Variants in SMCO2 observed in about 807,000 individuals in gnomAD.
SMCO2 encodes single-pass membrane protein with coiled-coil domains 2.
A neutral mutation model predicts 29.5 loss-of-function variants in SMCO2; 25 were observed. The observed-to-expected ratio is 0.85, with a 90% CI of 0.62 to 1.18. The LOEUF is 1.18. Among genes scored for constraint, SMCO2 ranks in the 50% most tolerant of loss-of-function variants. The pLI is 0.00. For synonymous variants in SMCO2, 117 were observed against 123.3 expected (o/e 0.95, Z 0.34); for missense variants, 348 against 344.5 (o/e 1.01, Z -0.08).
At chr12:27,423,880 C>G in the SMCO2 span, 1 of 152,160 alleles carries the variant, frequency 6.6e-6, no homozygotes. Context: ...ACTGTGCTGT[C>G]CAGTGCAGTA....
chr12:27,484,851 CAAAAA>C lies in SMCO2; in HGVS notation c.363-3592_363-3588del, dbSNP rs35818629. On this transcript the variant is annotated intron_variant, in intron 4 of 7. Coordinates refer to ENST00000298876, the Ensembl canonical transcript of SMCO2. ...CTGGCGACAGAGTAAGACTCCATCT[CAAAAA>C]AAAAAAAAAAAAAAAATATATATAT... Among the ~76,000 whole-genome samples, 74 of 72,964 alleles carry C rather than the reference CAAAAA, an allele frequency of 1.0e-3. 1 individual carries two copies. The highest frequency in any genetic ancestry group is 3.1e-3 in the African/African-American group (62 of 20,250). The allele number at this position is 72,964 out of a possible 152,430, so 47.9% of individuals were successfully genotyped here. A position where few individuals can be genotyped will look rare whatever the true frequency, so the allele number is the denominator to read the frequency against.
chr12:27,478,834 G>A (rs1297831583), intron 4 of SMCO2, among the ~76,000 whole-genome samples: 1 of 152,158 alleles, frequency 6.6e-6, no homozygotes, highest in African/African-American at 2.4e-5. Flanking sequence ...GGCAGGCACT[G>A]GTGCTGGCAA....
intron 5 of SMCO2, among the ~76,000 whole-genome samples, chr12:27,489,328 C>T (rs1949715618): frequency 6.6e-6 from 1 of 152,136 alleles, no homozygotes; most frequent in Non-Finnish European, 1.5e-5. Flanking sequence ...GGATTACAGG[C>T]ATGAGCTACC....
the SMCO2 span, among the ~76,000 whole-genome samples, chr12:27,453,845 C>CTTA: frequency 2.0e-4 from 31 of 152,192 alleles, no homozygotes; most frequent in African/African-American, 7.0e-4. Flanking sequence ...AATTATAAGA[C>CTTA]TTGCCAAACT....
chr12:27,427,915 G>A, the SMCO2 span, among the ~76,000 whole-genome samples: 2 of 152,298 alleles, frequency 1.3e-5, no homozygotes, highest in East Asian at 3.9e-4. Context: ...AAGATACTTC[G>A]GCAGGCAGAA....
At chr12:27,480,796 A>G (rs1949636128) in intron 4 of SMCO2, among the ~76,000 whole-genome samples, 1 of 151,982 alleles carries the variant, frequency 6.6e-6, no homozygotes, top group Non-Finnish European at 1.5e-5. Flanking sequence ...TGAGGCCCTT[A>G]CCAGGAGCCA....
chr12:27,476,882 G>A (rs1949591197), intron 4 of SMCO2, among the ~76,000 whole-genome samples: 1 of 151,870 alleles, frequency 6.6e-6, no homozygotes, highest in African/African-American at 2.4e-5. Flanking sequence ...ACTTATTCCT[G>A]TCATTTTGTT....
chr12:27,484,113 A>G (rs982427342), intron 4 of SMCO2, among the ~76,000 whole-genome samples: 10 of 152,300 alleles, frequency 6.6e-5, no homozygotes, highest in Admixed American at 3.9e-4. Context: ...TTCTGTGGCC[A>G]GGCATGGTGG....
intron 7 of SMCO2, chr12:27,497,086 T>TA (rs969255997): frequency 6.4e-6 from 1 of 156,104 alleles, no homozygotes; most frequent in Non-Finnish European, 1.5e-5. Flanking sequence ...ACCTGCAAGA[T>TA]AAATTTCCAG....
intron 4 of SMCO2, among the ~76,000 whole-genome samples, chr12:27,479,156 T>C (rs1565677166): frequency 6.6e-6 from 1 of 151,530 alleles, no homozygotes; most frequent in Non-Finnish European, 1.5e-5. Flanking sequence ...GTGGTGCTGA[T>C]AAGTGGGATG....
the SMCO2 span, among the ~76,000 whole-genome samples, chr12:27,431,461 C>A: frequency 4.6e-5 from 7 of 152,340 alleles, no homozygotes; most frequent in African/African-American, 1.4e-4. Flanking sequence ...CACTGTTCTG[C>A]TTTGTTTCTA....
In SMCO2 at chr12:27,470,658, T is replaced by C. The variant is rs752188747; in HGVS notation, c.27T>C (p.Asn9=). The C allele has an allele frequency of 6.4e-6, 10 of 1,550,956 alleles. 1 individual carries two copies. In the South Asian group the frequency reaches 1.1e-4, roughly 17 times the overall value. ...TGGCTCTCACGCCCACAAACCTAAA[T>C]AACAAAATGTCTCTGCAGATGAAGA... The change falls in exon 2 of 8, where the codon AAT becomes AAC. Residue 9 remains asparagine, a synonymous_variant. Coordinates refer to ENST00000298876, the Ensembl canonical transcript of SMCO2.
At chr12:27,440,648 GTTTTTTT>G in the SMCO2 span, among the ~76,000 whole-genome samples, 59 of 122,364 alleles carry the variant, frequency 4.8e-4, no homozygotes, top group African/African-American at 1.7e-3. Flanking sequence ...TTTTCTGTGG[GTTTTTTT>G]TTTTTTTTTT....
chr12:27,463,151 C>T (rs116722680), upstream of SMCO2, among the ~76,000 whole-genome samples: 928 of 152,322 alleles, frequency 6.1e-3, 7 homozygotes, highest in African/African-American at 0.021. Flanking sequence ...GTCAAGGTCA[C>T]GAGATCCAAG....
At chr12:27,483,847 C>T (rs566751571) in intron 4 of SMCO2, among the ~76,000 whole-genome samples, 47 of 152,256 alleles carry the variant, frequency 3.1e-4, no homozygotes, top group African/African-American at 9.4e-4. Context: ...TCTGTTCTCC[C>T]GGCCTTTGCA....
At chr12:27,484,551 G>A (rs1949671267) in intron 4 of SMCO2, among the ~76,000 whole-genome samples, 1 of 151,998 alleles carries the variant, frequency 6.6e-6, no homozygotes, top group African/African-American at 2.4e-5. Context: ...GTTGAAATCT[G>A]GTTTGCGTTG....
chr12:27,457,258 G>A, the SMCO2 span, among the ~76,000 whole-genome samples: 1 of 152,122 alleles, frequency 6.6e-6, no homozygotes, highest in Admixed American at 6.5e-5. Flanking sequence ...AATCCCAGGA[G>A]CCTCACGTGT....
At chr12:27,500,225 A>G (rs1943060622) in intron 7 of SMCO2, among the ~76,000 whole-genome samples, 1 of 150,494 alleles carries the variant, frequency 6.6e-6, no homozygotes, top group African/African-American at 2.5e-5. Context: ...TTAAATTTTT[A>G]AAACTTGTAT....
chr12:27,437,517 C>T, the SMCO2 span, among the ~76,000 whole-genome samples: 24 of 152,170 alleles, frequency 1.6e-4, no homozygotes, highest in African/African-American at 5.5e-4. Flanking sequence ...AAAGTAGCAA[C>T]TCACCTTTTA....
Sources: gnomAD v4.1 joint callset for allele counts (sites outside exome capture counted in the v4.1 genomes callset) on GRCh38, gnomAD v4.1.1 for gene constraint, MANE v1.5 for transcripts, NCBI Gene and HGNC (gene_info 2026-07-23, HGNC 2026-07-21) for gene names.